The following SLC2A9 variants were observed in gnomAD, a reference collection of about 807,000 sequenced individuals.
The protein encoded by SLC2A9 is solute carrier family 2 member 9, also known as solute carrier family 2, facilitated glucose transporter member 9.
SLC2A9 carries 39 observed loss-of-function variants against 50.6 expected under a neutral mutation model. The ratio of observed to expected loss-of-function variants is 0.77; its 90% CI spans 0.60 to 1.01. The LOEUF is 1.01. Ranked by LOEUF, SLC2A9 falls within the 50% of genes least tolerant of loss-of-function variation. SLC2A9 has a pLI of 0.00. For missense variants in SLC2A9, 686 were observed against 677.6 expected (o/e 1.01, Z -0.14); for synonymous variants, 324 against 276.9 (o/e 1.17, Z -1.69).
At chr4:9,816,491 T>C (rs917608345) in intron 3 of SLC2A9, among the ~76,000 whole-genome samples, 1 of 152,160 alleles carries the variant, frequency 6.6e-6, no homozygotes, top group African/African-American at 2.4e-5. Flanking sequence ...TTTCAGGTAC[T>C]GTATACCTGA....
intron 5 of SLC2A9, among the ~76,000 whole-genome samples, chr4:9,953,868 G>A (rs1480384448): frequency 3.9e-5 from 6 of 152,166 alleles, no homozygotes; most frequent in Non-Finnish European, 7.3e-5. Context: ...GGAGTGCAAC[G>A]GCAACATCTT....
chr4:9,963,623 G>C (rs1054407687), intron 5 of SLC2A9, among the ~76,000 whole-genome samples: 3 of 152,198 alleles, frequency 2.0e-5, no homozygotes, highest in Non-Finnish European at 4.4e-5. Context: ...TGGCTGGCAG[G>C]AGAGAGGGCC....
intron 3 of SLC2A9, among the ~76,000 whole-genome samples, chr4:9,785,837 GGATA>G (rs1229275299): frequency 6.6e-6 from 1 of 152,212 alleles, no homozygotes; most frequent in Non-Finnish European, 1.5e-5. Flanking sequence ...GTACTGACCA[GGATA>G]GATAACGCCA....
chr4:9,800,727 C>T (rs1028207855), intron 3 of SLC2A9, among the ~76,000 whole-genome samples: 8 of 152,174 alleles, frequency 5.3e-5, no homozygotes, highest in African/African-American at 1.7e-4. Context: ...CAACTATTTA[C>T]ACATAGCATT....
chr4:9,857,428 C>T (rs534194343), intron 10 of SLC2A9, among the ~76,000 whole-genome samples: 1 of 152,346 alleles, frequency 6.6e-6, no homozygotes, highest in East Asian at 1.9e-4. Context: ...TTCTCCGGCT[C>T]AGACCCTGGA....
At chr4:9,989,908 G>A (rs912863601) in intron 3 of SLC2A9, among the ~76,000 whole-genome samples, 4 of 151,848 alleles carry the variant, frequency 2.6e-5, no homozygotes, top group South Asian at 4.1e-4. Context: ...AGGGATGAGC[G>A]TGCTCACTCC....
chr4:9,835,100 C>T, intron 10 of SLC2A9, 92 bp from the exon 11 acceptor site: 1 of 1,580,740 alleles, frequency 6.3e-7, no homozygotes, highest in Non-Finnish European at 8.6e-7. Context: ...TAGAACCCCC[C>T]CACCCCTGCC....
At chr4:9,998,003 A>G (rs1386225587) in intron 2 of SLC2A9, among the ~76,000 whole-genome samples, 1 of 152,208 alleles carries the variant, frequency 6.6e-6, no homozygotes, top group Admixed American at 6.5e-5. Context: ...GACTCCAGAG[A>G]AAATACAAAT....
intron 3 of SLC2A9, among the ~76,000 whole-genome samples, chr4:9,802,281 T>A (rs981024181): frequency 6.6e-5 from 10 of 151,786 alleles, no homozygotes; most frequent in East Asian, 1.9e-4. Flanking sequence ...TTTTTTTTTT[T>A]TAAACTAGAG....
intron 10 of SLC2A9, among the ~76,000 whole-genome samples, chr4:9,839,128 G>A (rs1727587012): frequency 6.6e-6 from 1 of 151,930 alleles, no homozygotes; most frequent in East Asian, 1.9e-4. Context: ...GCATCTATAT[G>A]AAACTTAAAC....
chr4:9,967,484 C>G (rs1395033615), intron 5 of SLC2A9, among the ~76,000 whole-genome samples: 1 of 151,858 alleles, frequency 6.6e-6, no homozygotes, highest in Non-Finnish European at 1.5e-5. Context: ...GTTGAGCATT[C>G]TGATTTCTGC....
At chr4:9,923,082 T>C (rs1395890638) in intron 6 of SLC2A9, 2 of 152,174 alleles carry the variant, frequency 1.3e-5, no homozygotes, top group African/African-American at 4.8e-5. Context: ...CTCACAGATA[T>C]TCTTTTGAAA....
rs536306502 is a variant in SLC2A9 at position 9,838,168 on chromosome 4, G to A, written c.1292-3160C>T. Among the ~76,000 whole-genome samples, 7 of 152,272 alleles carry A rather than the reference G, an allele frequency of 4.6e-5. No homozygotes were observed. In the East Asian group the frequency reaches 1.4e-3, roughly 29 times the overall value. ...GATGAGTTAGCTGAAGCTAAGAGAA[G>A]GGGAGTAATATATGCAAGGTTTCTT... On this transcript the variant is annotated intron_variant, in intron 10 of 11. Coordinates refer to ENST00000264784, the MANE Select transcript of SLC2A9 (RefSeq NM_020041.3).
chr4:9,869,816 T>C (rs1014819942), intron 10 of SLC2A9, among the ~76,000 whole-genome samples: 1 of 152,218 alleles, frequency 6.6e-6, no homozygotes, highest in Non-Finnish European at 1.5e-5. Context: ...AGAAAACAGA[T>C]GCTTATCTCT....
At chr4:9,851,678 T>C (rs926258368) in intron 10 of SLC2A9, among the ~76,000 whole-genome samples, 3 of 151,884 alleles carry the variant, frequency 2.0e-5, no homozygotes, top group African/African-American at 7.3e-5. Context: ...AGGAATTCAA[T>C]AAAACAATAC....
chr4:9,782,014 T>G (rs774344700), intron 3 of SLC2A9: 9 of 1,448,224 alleles, frequency 6.2e-6, no homozygotes, highest in Non-Finnish European at 8.1e-6. Flanking sequence ...AGACCGCCCC[T>G]GCAGTCCAGC....
chr4:10,018,971 T>A lies in SLC2A9; in HGVS notation c.249+4A>T. The stretch of plus-strand genomic sequence containing the variant: ...CCCTCTGCCGGGCCTTGGCGCGCAC[T>A]CACCGGGGTGGGGGCATTCACCACC... On this transcript the variant is annotated splice_donor_region_variant and intron_variant, in intron 2 of 11. Coordinates refer to ENST00000264784, the MANE Select transcript of SLC2A9 (RefSeq NM_020041.3). 6.5e-7 allele frequency: 1 copy of A among 1,549,410 alleles called. No homozygotes were observed. The highest frequency in any genetic ancestry group is 1.2e-5 in the South Asian group (1 of 83,984).
intron 5 of SLC2A9, among the ~76,000 whole-genome samples, chr4:9,971,183 C>A (rs1753863566): frequency 6.6e-6 from 1 of 152,140 alleles, no homozygotes; most frequent in Non-Finnish European, 1.5e-5. Context: ...TGTGGCTCAT[C>A]CTGCTACAAC....
intron 3 of SLC2A9, among the ~76,000 whole-genome samples, chr4:9,800,648 C>T (rs56139970): frequency 0.51 from 77,191 of 151,898 alleles, 21,380 homozygotes; most frequent in Non-Finnish European, 0.64. Context: ...TAAGTATCCA[C>T]GGATCAAAAT....
Sources: gnomAD v4.1 joint callset for allele counts (sites outside exome capture counted in the v4.1 genomes callset) on GRCh38, gnomAD v4.1.1 for gene constraint, MANE v1.5 for transcripts, NCBI Gene and HGNC (gene_info 2026-07-23, HGNC 2026-07-21) for gene names.